CRTC3: variants seen among roughly 807,000 people sequenced by gnomAD.
CRTC3 encodes CREB-regulated transcription coactivator 3.
CRTC3 carries 26 observed loss-of-function variants against 74.5 expected under a neutral mutation model. The observed-to-expected ratio is 0.35, with a 90% CI of 0.26 to 0.48. The LOEUF (loss-of-function observed/expected upper bound fraction) is 0.48, where lower values mean the gene tolerates loss of function less well. Among genes scored for constraint, CRTC3 ranks in the 20% least tolerant of loss-of-function variants. The pLI is 0.99. For synonymous variants in CRTC3, 377 were observed against 325.8 expected, an observed-to-expected ratio of 1.16 and a Z score of -1.69; for missense variants, 760 against 787.3, an observed-to-expected ratio of 0.97 and a Z score of 0.41.
chr15:90,538,847 G>C (rs1245932531), intron 1 of CRTC3, among the ~76,000 whole-genome samples: 2 of 151,336 alleles, frequency 1.3e-5, no homozygotes, highest in Admixed American at 6.6e-5. Flanking sequence ...GAGCATGGCA[G>C]AAATGGGCAT....
Position 90,638,528 on chromosome 15 carries a change from C to T in CRTC3, c.1349C>T (p.Ala450Val), listed in dbSNP as rs1235771428. Reference sequence around the variant, plus strand: ...GTGTCGCCGCCACCCCCTTACCCTGCACCCCAGGAGCTCACCCAGCCCCTC... The same window carrying T: ...GTGTCGCCGCCACCCCCTTACCCTGTACCCCAGGAGCTCACCCAGCCCCTC... ...AQVSPPPPYP[A>V]PQELTQPLLQ... The change falls in exon 12 of 15, where the codon GCA becomes GTA. Residue 450 changes from alanine to valine, a missense_variant. Physicochemically the swap from Ala to Val is moderately conservative, Grantham distance 64. Transcript: ENST00000268184. 1.2e-6 allele frequency: 2 copies of T among 1,613,754 alleles called. No individual in the cohort carries two copies. The highest frequency in any genetic ancestry group is 1.7e-6 in the Non-Finnish European group (2 of 1,179,938).
At chr15:90,556,431 A>C (rs1243854051) in intron 2 of CRTC3, among the ~76,000 whole-genome samples, 1 of 152,226 alleles carries the variant, frequency 6.6e-6, no homozygotes, top group African/African-American at 2.4e-5. Flanking sequence ...GATATTTATT[A>C]CCTTAAGGAT....
Position 90,574,275 on chromosome 15 carries a change from G to A in CRTC3, c.232-19361G>A, listed in dbSNP as rs568512231. On this transcript the variant is annotated intron_variant, in intron 2 of 14. Transcript: ENST00000268184. Reference sequence around the variant, plus strand: ...TGGTAGATCACGAGGTCAAGAGATCGAGAGCATCCTGGTCAACATGGTGAA... The same window carrying A: ...TGGTAGATCACGAGGTCAAGAGATCAAGAGCATCCTGGTCAACATGGTGAA... Among the ~76,000 whole-genome samples, 18 of 152,184 alleles carry A rather than the reference G, an allele frequency of 1.2e-4. No individual in the cohort carries two copies. In the East Asian group the frequency reaches 1.7e-3, roughly 15 times the overall value.
chr15:90,617,964 A>G lies in CRTC3; in HGVS notation c.695A>G (p.Lys232Arg). ...KPLPKQLWET[K>R]EIQSLSGRPR... is the part of the protein sequence containing the mutation. ...CTGCCAAAACAACTGTGGGAGACCAAGGAGGTGGGTGAACAGTACTCAGCT... is the reference window on the plus strand; with the variant it reads ...CTGCCAAAACAACTGTGGGAGACCAGGGAGGTGGGTGAACAGTACTCAGCT... The change falls in exon 8 of 15, where the codon AAG becomes AGG. Residue 232 changes from lysine to arginine, a missense_variant. Around this residue, in one of 2 missense-constraint regions of CRTC3, gnomAD observed 652 missense variants for 635.2 expected, o/e 1.03. Coordinates refer to ENST00000268184, the MANE Select transcript of CRTC3 (RefSeq NM_022769.5). The G allele has an allele frequency of 6.3e-7, 1 of 1,599,972 alleles. No individual in the cohort carries two copies. Among genetic ancestry groups the G allele is most frequent in the Non-Finnish European group, 8.6e-7 (1 of 1,167,136 alleles).
intron 11 of CRTC3, among the ~76,000 whole-genome samples, chr15:90,636,707 GA>G (rs558937371): frequency 5.9e-5 from 9 of 151,502 alleles, no homozygotes; most frequent in Non-Finnish European, 7.4e-5. Context: ...AAATTTACAA[GA>G]AAAAAACAAA....
intron 1 of CRTC3, among the ~76,000 whole-genome samples, chr15:90,535,172 A>AT (rs1966697933): frequency 8.5e-6 from 1 of 117,190 alleles, no homozygotes; most frequent in Admixed American, 8.3e-5. Context: ...AAAAAAAAAA[A>AT]AAAAAAAAGA....
intron 14 of CRTC3, among the ~76,000 whole-genome samples, chr15:90,641,516 C>T (rs532933237): frequency 7.9e-4 from 120 of 152,050 alleles, no homozygotes; most frequent in African/African-American, 2.5e-3. Context: ...GCTAACACAG[C>T]GAAACCCCGT....
In CRTC3 at chr15:90,643,731, G is replaced by A. The variant is rs1333303114; in HGVS notation, c.*1591G>A. 1.3e-5 allele frequency: 3 copies of A among 232,676 alleles called. No homozygotes were observed. The highest frequency in any genetic ancestry group is 2.5e-5 in the Non-Finnish European group (3 of 117,816). 14.4% of individuals were successfully genotyped at this position (232,676 alleles called of 1,614,324 possible). ...GGGGGCAGAGCACTGCAGGGGGAGG[G>A]GGGGGTCTAGGCTGTGAGAGGACAG... is the stretch of plus-strand genomic sequence containing the variant. On this transcript the variant is annotated 3_prime_UTR_variant, in exon 15 of 15. Coordinates refer to ENST00000268184, the MANE Select transcript of CRTC3 (RefSeq NM_022769.5).
intron 1 of CRTC3, among the ~76,000 whole-genome samples, chr15:90,535,812 T>A (rs1966710094): frequency 6.6e-6 from 1 of 152,192 alleles, no homozygotes; most frequent in Non-Finnish European, 1.5e-5. Flanking sequence ...TCTCACATAG[T>A]CCTCAAAATG....
At position 90,587,136 on chromosome 15, in the gene CRTC3, CT is replaced by C. The variant is rs893094316; in HGVS notation, c.232-6499del. 5.9e-5 allele frequency among the ~76,000 whole-genome samples: 9 copies of C among 152,268 alleles called. No individual in the cohort carries two copies. The East Asian group carries it at 9.6e-4, about 16-fold the overall frequency. On this transcript the variant is annotated intron_variant, in intron 2 of 14. Coordinates refer to ENST00000268184, the MANE Select transcript of CRTC3 (RefSeq NM_022769.5). ...TAAATTAGAGGAAGTAATTTCCCCCCTAGGTGACGAAATCTAGTTGCAACTT... is the reference window on the plus strand; with the variant it reads ...TAAATTAGAGGAAGTAATTTCCCCCCAGGTGACGAAATCTAGTTGCAACTT...
chr15:90,551,935 C>T (rs974837234), intron 2 of CRTC3, among the ~76,000 whole-genome samples: 6 of 10,530 alleles, frequency 5.7e-4, no homozygotes, highest in Admixed American at 3.0e-3. Context: ...CACACGCACA[C>T]ACACACACGC....
chr15:90,630,339 A>G (rs534596061), intron 11 of CRTC3, among the ~76,000 whole-genome samples: 74 of 152,252 alleles, frequency 4.9e-4, no homozygotes, highest in Admixed American at 1.2e-3. Flanking sequence ...AGATTTGAGA[A>G]ACAATACTTT....
chr15:90,568,131 G>C (rs1489655350), intron 2 of CRTC3, among the ~76,000 whole-genome samples: 2 of 152,212 alleles, frequency 1.3e-5, no homozygotes, highest in Admixed American at 1.3e-4. Context: ...GAAATAGCCA[G>C]AGATCTAGAA....
intron 2 of CRTC3, among the ~76,000 whole-genome samples, chr15:90,554,945 G>A (rs903085192): frequency 5.3e-5 from 8 of 152,146 alleles, no homozygotes; most frequent in Admixed American, 2.0e-4. Flanking sequence ...TGACAATATT[G>A]CTGTTCACTT....
At chr15:90,618,916 G>A (rs1408396981) in intron 8 of CRTC3, among the ~76,000 whole-genome samples, 1 of 152,200 alleles carries the variant, frequency 6.6e-6, no homozygotes, top group Non-Finnish European at 1.5e-5. Context: ...GGATAACTAT[G>A]TCTTCTCCAC....
chr15:90,638,894 A>G, intron 13 of CRTC3, 79 bp downstream of exon 13: 1 of 1,202,442 alleles, frequency 8.3e-7, no homozygotes, highest in Non-Finnish European at 1.2e-6. Context: ...AGAATTCAGA[A>G]CTGAGCAGAC....
At chr15:90,601,566 T>C (rs752999451) in intron 3 of CRTC3, among the ~76,000 whole-genome samples, 1 of 152,012 alleles carries the variant, frequency 6.6e-6, no homozygotes, top group Non-Finnish European at 1.5e-5. Flanking sequence ...GGCAGGAGAA[T>C]TGCTTGAACC....
chr15:90,602,236 T>A (rs1447164648), intron 3 of CRTC3, 88 bp from the exon 4 acceptor site: 3 of 783,666 alleles, frequency 3.8e-6, no homozygotes, highest in Non-Finnish European at 6.5e-6. Flanking sequence ...AACCAAAAAC[T>A]CAGTTGTTTA....
At position 90,540,070 on chromosome 15, in the gene CRTC3, T is replaced by G. The variant is rs759378312; in HGVS notation, c.164T>G (p.Leu55Arg). Residue 55 changes from leucine (L) to arginine (R), a missense_variant, in exon 2 of 15, where the codon CTT becomes CGT. Physicochemically the swap from Leu to Arg is moderately radical, Grantham distance 102. This residue lies in a region of CRTC3 where 108 missense variants were observed against 152.1 expected (regional missense o/e 0.71). Transcript: ENST00000268184. Reference sequence around the variant, plus strand: ...TTTCAGAAGCTTCAGCAACTGCGCCTTACACAGTACCATGGAGGATCCTTA... The same window carrying G: ...TTTCAGAAGCTTCAGCAACTGCGCCGTACACAGTACCATGGAGGATCCTTA... ...VQFQKLQQLR[L>R]TQYHGGSLPN... The G allele has an allele frequency of 6.2e-7, 1 of 1,613,690 alleles. No homozygotes were observed. The highest frequency in any genetic ancestry group is 8.5e-7 in the Non-Finnish European group (1 of 1,179,840).
Sources: allele counts gnomAD v4.1 joint callset (sites outside exome capture counted in the v4.1 genomes callset), GRCh38; gene constraint gnomAD v4.1.1; regional missense constraint gnomAD v4.1.1; transcripts MANE v1.5; gene names NCBI Gene and HGNC (gene_info 2026-07-23, HGNC 2026-07-21).